The following TMEM132D variants were observed in gnomAD, a reference collection of about 807,000 sequenced individuals.
TMEM132D encodes transmembrane protein 132D.
TMEM132D carries 21 observed loss-of-function variants against 62.3 expected under a neutral mutation model. The observed-to-expected ratio is 0.34, with a 90% CI of 0.24 to 0.49. TMEM132D has a LOEUF of 0.49. Ranked by LOEUF, TMEM132D falls within the 20% of genes least tolerant of loss-of-function variation. TMEM132D has a pLI of 0.99. For missense variants in TMEM132D, 1,346 were observed against 1,402.8 expected, an observed-to-expected ratio of 0.96 and a Z score of 0.65; for synonymous variants, 621 against 575.6, an observed-to-expected ratio of 1.08 and a Z score of -1.13.
intron 1 of TMEM132D, among the ~76,000 whole-genome samples, chr12:129,729,069 T>C (rs1189636628): frequency 1.3e-5 from 2 of 152,216 alleles, no homozygotes; most frequent in Non-Finnish European, 2.9e-5. Flanking sequence ...TTTCAAGATT[T>C]GTTAAATCTG....
intron 5 of TMEM132D, among the ~76,000 whole-genome samples, chr12:129,115,797 T>C (rs1033674625): frequency 1.1e-4 from 17 of 152,048 alleles, no homozygotes; most frequent in Non-Finnish European, 2.9e-5. Context: ...CCTGGATGAG[T>C]GTCTGCCACT....
intron 3 of TMEM132D, among the ~76,000 whole-genome samples, chr12:129,338,404 G>A (rs752061043): frequency 1.1e-4 from 16 of 152,174 alleles, no homozygotes; most frequent in Admixed American, 4.6e-4. Flanking sequence ...GAGTCATTGC[G>A]ACAAAGACTG....
intron 2 of TMEM132D, among the ~76,000 whole-genome samples, chr12:129,608,320 T>A (rs181774826): frequency 6.6e-6 from 1 of 152,266 alleles, no homozygotes; most frequent in East Asian, 1.9e-4. Context: ...ACAGACACTC[T>A]CCCTTTAGAA....
At chr12:129,576,656 A>T (rs1375355793) in intron 2 of TMEM132D, among the ~76,000 whole-genome samples, 1 of 151,788 alleles carries the variant, frequency 6.6e-6, no homozygotes, top group Non-Finnish European at 1.5e-5. Context: ...CTCAGAGGTT[A>T]GGGGTGCCAA....
At chr12:129,660,300 T>C (rs1457920098) in intron 2 of TMEM132D, among the ~76,000 whole-genome samples, 2 of 99,860 alleles carry the variant, frequency 2.0e-5, no homozygotes. Flanking sequence ...AGTGGTTCAC[T>C]GTGTCTGGGA....
chr12:129,365,811 A>C (rs1012442507), intron 3 of TMEM132D, among the ~76,000 whole-genome samples: 1 of 152,100 alleles, frequency 6.6e-6, no homozygotes, highest in Non-Finnish European at 1.5e-5. Context: ...GGTAGAACTG[A>C]TGTCTGAGAG....
At chr12:129,101,727 T>G (rs1875313269) in intron 5 of TMEM132D, among the ~76,000 whole-genome samples, 1 of 152,176 alleles carries the variant, frequency 6.6e-6, no homozygotes, top group Non-Finnish European at 1.5e-5. Flanking sequence ...TTATTTTTTC[T>G]ACCTAGGCTG....
Position 129,171,871 on chromosome 12 carries a change from C to T in TMEM132D, c.1443+37649G>A, listed in dbSNP as rs542853716. Among the ~76,000 whole-genome samples, 35 of 152,292 alleles carry T rather than the reference C, an allele frequency of 2.3e-4. No individual in the cohort carries two copies. The South Asian group carries it at 6.0e-3, about 26-fold the overall frequency. On this transcript the variant is annotated intron_variant, in intron 5 of 8. Coordinates refer to ENST00000422113, the MANE Select transcript of TMEM132D (RefSeq NM_133448.3). ...CAGGCAGAGTAGATTTAGCATAACT[C>T]TTAAGGGCCCTAGGATTTGGGGAAT... is the stretch of plus-strand genomic sequence containing the variant.
In TMEM132D at chr12:129,191,136, C is replaced by T. The variant is rs116686481; in HGVS notation, c.1443+18384G>A. 8.6e-3 allele frequency among the ~76,000 whole-genome samples: 1,316 copies of T among 152,308 alleles called. 18 individuals carry two copies. The highest frequency in any genetic ancestry group is 0.03 in the African/African-American group (1,261 of 41,564). ...CTGCCACAGTGCCTGAACTCTTCTT[C>T]CTTTCTGACCATCACATGACTTGCT... On this transcript the variant is annotated intron_variant, in intron 5 of 8. Transcript: ENST00000422113.
chr12:129,428,105 CA>C (rs929925584), intron 3 of TMEM132D, among the ~76,000 whole-genome samples: 7 of 151,970 alleles, frequency 4.6e-5, no homozygotes, highest in African/African-American at 9.7e-5. Context: ...CACAAGCAAA[CA>C]AAAACAAAAG....
At chr12:129,861,438 C>A (rs11060590) in intron 1 of TMEM132D, among the ~76,000 whole-genome samples, 18,197 of 152,190 alleles carry the variant, frequency 0.12, 1,693 homozygotes, top group East Asian at 0.51. Flanking sequence ...TGAGAGGAGC[C>A]TGAATTCTGC....
chr12:129,077,817 GCAACACA>G (rs1344518526), intron 8 of TMEM132D, among the ~76,000 whole-genome samples: 3 of 151,676 alleles, frequency 2.0e-5, no homozygotes, highest in Admixed American at 6.6e-5. Flanking sequence ...AAGCACACAT[GCAACACA>G]CAACACAAAA....
At chr12:129,753,674 C>G (rs970257573) in intron 1 of TMEM132D, among the ~76,000 whole-genome samples, 5 of 152,170 alleles carry the variant, frequency 3.3e-5, no homozygotes, top group African/African-American at 4.8e-5. Context: ...AAATGAAACA[C>G]TTAAAATCCG....
chr12:129,747,177 T>TCTCCTTCTCCCTCCTCCCG (rs71082749), intron 1 of TMEM132D, among the ~76,000 whole-genome samples: 54,194 of 132,076 alleles, frequency 0.41, 13,206 homozygotes, highest in African/African-American at 0.56. Flanking sequence ...GTCCAATAGC[T>TCTCCTTCTCCCTCCTCCCG]CTCCTTCTCC....
chr12:129,572,889 G>C (rs924929240), intron 2 of TMEM132D, among the ~76,000 whole-genome samples: 33 of 152,070 alleles, frequency 2.2e-4, no homozygotes, highest in Non-Finnish European at 5.9e-5. Flanking sequence ...AAATCAGTCT[G>C]ATGAAAATTA....
chr12:129,703,914 C>T lies in TMEM132D; in HGVS notation c.80-3216G>A, dbSNP rs375020632. On this transcript the variant is annotated intron_variant, in intron 1 of 8. Transcript: ENST00000422113. ...CTCAAAAGCAATAACTAATCGAATACGGTAATAGGCAAAAAAAAAAAAAAT... is the reference window on the plus strand; with the variant it reads ...CTCAAAAGCAATAACTAATCGAATATGGTAATAGGCAAAAAAAAAAAAAAT... Among the ~76,000 whole-genome samples the T allele has an allele frequency of 2.9e-3, 299 of 104,316 alleles. 1 individual carries two copies. Among genetic ancestry groups the T allele is most frequent in the African/African-American group, 9.3e-3 (285 of 30,666 alleles). The allele number at this position is 104,316 out of a possible 152,430, so 68.4% of individuals were successfully genotyped here.
chr12:129,882,487 C>G (rs939586745), intron 1 of TMEM132D, among the ~76,000 whole-genome samples: 1 of 152,060 alleles, frequency 6.6e-6, no homozygotes, highest in East Asian at 1.9e-4. Flanking sequence ...TGTAATCCAC[C>G]ACGTCATCCA....
intron 3 of TMEM132D, among the ~76,000 whole-genome samples, chr12:129,511,628 A>G (rs965715066): frequency 1.3e-5 from 2 of 152,134 alleles, no homozygotes; most frequent in African/African-American, 2.4e-5. Flanking sequence ...TGCCATCTGT[A>G]TATCTACTTT....
At chr12:129,466,268 G>T in intron 3 of TMEM132D, among the ~76,000 whole-genome samples, 1 of 141,920 alleles carries the variant, frequency 7.0e-6, no homozygotes, top group African/African-American at 2.6e-5. Context: ...ACAGTGGCTG[G>T]TAGATTTTTC....
Sources: allele counts gnomAD v4.1 joint callset (sites outside exome capture counted in the v4.1 genomes callset), GRCh38; gene constraint gnomAD v4.1.1; transcripts MANE v1.5; gene names NCBI Gene and HGNC (gene_info 2026-07-23, HGNC 2026-07-21).